DCAKD: variants seen among roughly 807,000 people sequenced by gnomAD.
DCAKD encodes the protein dephospho-CoA kinase domain containing, also known as dephospho-CoA kinase domain-containing protein.
In DCAKD, 15 loss-of-function variants were observed where a neutral mutation model predicts 18.7. That is an observed-to-expected ratio of 0.80 (90% confidence interval 0.54 to 1.24). DCAKD has a LOEUF of 1.24. DCAKD is among the 50% of genes most tolerant of loss of function. The pLI, the probability that DCAKD is intolerant of heterozygous loss-of-function variation, is 0.00. For synonymous variants in DCAKD, 130 were observed against 133.0 expected, an observed-to-expected ratio of 0.98 and a Z score of 0.16; for missense variants, 301 against 322.0, an observed-to-expected ratio of 0.93 and a Z score of 0.50.
chr17:45,024,328 TGTGTGTGTGTGGGG>T lies in DCAKD; in HGVS notation c.*91_*104del. On this transcript the variant is annotated 3_prime_UTR_variant, in exon 5 of 5. Transcript: ENST00000651974. ...GTGTGTGTGTGTGTGTGTGTGTGTG[TGTGTGTGTGTGGGG>T]AGGGGGCTGAGAGGAAACAGGATGT... The T allele has an allele frequency of 1.9e-5, 7 of 374,504 alleles. No homozygotes were observed. The highest frequency in any genetic ancestry group is 3.0e-5 in the Non-Finnish European group (7 of 237,034). 23.2% of individuals were successfully genotyped at this position (374,504 alleles called of 1,614,324 possible). A position where few individuals can be genotyped will look rare whatever the true frequency, so the allele number is the denominator to read the frequency against.
chr17:45,058,197 C>A (rs1194089286), intron 1 of DCAKD, among the ~76,000 whole-genome samples: 2 of 151,840 alleles, frequency 1.3e-5, no homozygotes, highest in African/African-American at 4.8e-5. Flanking sequence ...CACCTGTAGT[C>A]CCAGCTACCG....
intron 1 of DCAKD, among the ~76,000 whole-genome samples, chr17:45,049,410 C>T: frequency 6.6e-6 from 1 of 150,886 alleles, no homozygotes; most frequent in East Asian, 1.9e-4. Context: ...GCTTGAGCAA[C>T]AGAGCAAGAT....
upstream of DCAKD, among the ~76,000 whole-genome samples, chr17:45,053,525 G>A (rs1469786944): frequency 2.6e-5 from 4 of 152,030 alleles, no homozygotes; most frequent in Non-Finnish European, 5.9e-5. Flanking sequence ...GGGTTCAAGC[G>A]ATTCTCCTGC....
At position 45,034,908 on chromosome 17, in the gene DCAKD, G is replaced by A. The variant is rs751664516; in HGVS notation, c.-23C>T. The A allele has an allele frequency of 3.0e-5, 48 of 1,611,600 alleles. No homozygotes were observed. Among genetic ancestry groups the A allele is most frequent in the African/African-American group, 4.0e-5 (3 of 74,884 alleles). On this transcript the variant is annotated 5_prime_UTR_variant, in exon 2 of 5. Coordinates refer to ENST00000651974, the MANE Select transcript of DCAKD (RefSeq NM_001288655.2). Reference sequence around the variant, plus strand: ...CATCTTCCAGGAAAGAGAGCTGTCCGCGAGACTACGGAGCCAGGAGCTACA... The same window carrying A: ...CATCTTCCAGGAAAGAGAGCTGTCCACGAGACTACGGAGCCAGGAGCTACA...
upstream of DCAKD, among the ~76,000 whole-genome samples, chr17:45,052,852 G>A (rs1365566387): frequency 2.7e-5 from 4 of 146,554 alleles, no homozygotes; most frequent in African/African-American, 1.0e-4. Flanking sequence ...AACAAAACGA[G>A]ACCTTGCCTC....
rs528711838 is a variant in DCAKD at position 45,056,798 on chromosome 17, C to T, written c.-118+4090G>A. ...CCCTTTTTCCTTTGAGACAGAGCCTCGCTCTGTCACCCAGGCTGGAGTGCG... is the reference window on the plus strand; with the variant it reads ...CCCTTTTTCCTTTGAGACAGAGCCTTGCTCTGTCACCCAGGCTGGAGTGCG... On this transcript the variant is annotated intron_variant, in intron 1 of 4. Transcript: ENST00000310604. 5.3e-5 allele frequency among the ~76,000 whole-genome samples: 8 copies of T among 150,528 alleles called. No homozygotes were observed. The South Asian group carries it at 6.3e-4, about 12-fold the overall frequency.
At chr17:45,034,536 AG>A in intron 2 of DCAKD, 146 bp from the exon 3 acceptor site, 1 of 992,366 alleles carries the variant, frequency 1.0e-6, no homozygotes, top group Admixed American at 2.3e-5. Context: ...AAAGCAGTGA[AG>A]GAAAAGAGCA....
At chr17:45,026,218 CTTTTTT>C (rs1180056946) in intron 4 of DCAKD, among the ~76,000 whole-genome samples, 2 of 109,166 alleles carry the variant, frequency 1.8e-5, no homozygotes, top group Non-Finnish European at 3.8e-5. Context: ...CGCGCCTGGA[CTTTTTT>C]TTTTTTTTTT....
chr17:45,033,165 G>C (rs1038289687), intron 3 of DCAKD, among the ~76,000 whole-genome samples: 1 of 151,448 alleles, frequency 6.6e-6, no homozygotes, highest in Non-Finnish European at 1.5e-5. Flanking sequence ...GGCCAGCATA[G>C]TGAGACCCCA....
chr17:45,056,514 C>T (rs1160125288), upstream of DCAKD, among the ~76,000 whole-genome samples: 3 of 152,114 alleles, frequency 2.0e-5, no homozygotes, highest in Non-Finnish European at 4.4e-5. Context: ...TGCTCTGTCG[C>T]CCAGGTTGGA....
Position 45,051,420 on chromosome 17 carries a change from C to A in DCAKD, c.-174G>T, listed in dbSNP as rs1194638357. ...TCGTAACTCAGGCTTTCAAAAGAGGCCCGTACGCCCCACTAGGCCGCGAAA... is the reference window on the plus strand; with the variant it reads ...TCGTAACTCAGGCTTTCAAAAGAGGACCGTACGCCCCACTAGGCCGCGAAA... On this transcript the variant is annotated 5_prime_UTR_variant, in exon 1 of 5. Transcript: ENST00000651974. 6.6e-6 allele frequency: 1 copy of A among 152,128 alleles called. No individual in the cohort carries two copies. Among genetic ancestry groups the A allele is most frequent in the Non-Finnish European group, 1.5e-5 (1 of 68,030 alleles). The allele number at this position is 152,128 out of a possible 1,614,324, so 9.4% of individuals were successfully genotyped here. A position where few individuals can be genotyped will look rare whatever the true frequency, so the allele number is the denominator to read the frequency against.
chr17:45,044,378 TGGCTGG>T (rs2053514654), intron 1 of DCAKD, among the ~76,000 whole-genome samples: 1 of 152,178 alleles, frequency 6.6e-6, no homozygotes, highest in Non-Finnish European at 1.5e-5. Flanking sequence ...CGTCTGGAAC[TGGCTGG>T]AATCACCTTA....
At chr17:45,050,924 G>A (rs1227561573) in intron 1 of DCAKD, among the ~76,000 whole-genome samples, 1 of 152,214 alleles carries the variant, frequency 6.6e-6, no homozygotes, top group Non-Finnish European at 1.5e-5. Flanking sequence ...CTAGTTGGTG[G>A]GCGTGAGATC....
chr17:45,053,190 A>AAC (rs1567853744), upstream of DCAKD, among the ~76,000 whole-genome samples: 1 of 147,822 alleles, frequency 6.8e-6, no homozygotes, highest in African/African-American at 2.5e-5. Flanking sequence ...AAAAAAAAAA[A>AAC]AAAAAACTAG....
At chr17:45,059,223 G>C (rs934412488) in intron 1 of DCAKD, among the ~76,000 whole-genome samples, 6 of 152,012 alleles carry the variant, frequency 3.9e-5, no homozygotes, top group Non-Finnish European at 8.8e-5. Flanking sequence ...CTGGGCGACA[G>C]AGCAAGAGAG....
chr17:45,023,819 G>A lies in DCAKD; in HGVS notation c.*614C>T, dbSNP rs1339172798. On this transcript the variant is annotated 3_prime_UTR_variant, in exon 5 of 5. Transcript: ENST00000651974. ...ACGTGGGGAGAGGGGTCTCCCAGAA[G>A]AGGCTGGTCCTGCCTGGCTACAGCG... 6 of 152,606 alleles carry A rather than the reference G, an allele frequency of 3.9e-5. No homozygotes were observed. Among genetic ancestry groups the A allele is most frequent in the African/African-American group, 1.4e-4 (6 of 41,410 alleles). 9.5% of individuals were successfully genotyped at this position (152,606 alleles called of 1,614,324 possible).
intron 4 of DCAKD, chr17:45,026,927 A>C: frequency 7.1e-6 from 4 of 561,076 alleles, no homozygotes; most frequent in Non-Finnish European, 9.0e-6. Context: ...GATGTGGGGC[A>C]GCACCTCCGA....
intron 1 of DCAKD, among the ~76,000 whole-genome samples, chr17:45,046,447 C>T (rs2053570369): frequency 6.6e-6 from 1 of 152,060 alleles, no homozygotes; most frequent in East Asian, 1.9e-4. Flanking sequence ...GAAACCCCAT[C>T]TCTACTAAAA....
intron 4 of DCAKD, among the ~76,000 whole-genome samples, chr17:45,025,497 G>A (rs1453773418): frequency 6.6e-6 from 1 of 152,082 alleles, no homozygotes; most frequent in Non-Finnish European, 1.5e-5. Flanking sequence ...CCCACCCTGA[G>A]GTCACCATCT....
Sources: gnomAD v4.1 joint callset for allele counts (sites outside exome capture counted in the v4.1 genomes callset) on GRCh38, gnomAD v4.1.1 for gene constraint, MANE v1.5 for transcripts, NCBI Gene and HGNC (gene_info 2026-07-23, HGNC 2026-07-21) for gene names.